GLI2: variants seen among roughly 807,000 people sequenced by gnomAD.
The protein encoded by GLI2 is transcription activator GLI2.
A neutral mutation model predicts 78.9 loss-of-function variants in GLI2; 22 were observed. The observed-to-expected ratio is 0.28, with a 90% CI of 0.20 to 0.40. The LOEUF is 0.40. Ranked by LOEUF, GLI2 falls within the 10% of genes least tolerant of loss-of-function variation. The pLI is 1.00. For missense variants in GLI2, 2,097 were observed against 2,213.2 expected, an observed-to-expected ratio of 0.95 and a Z score of 1.05; for synonymous variants, 974 against 963.7, an observed-to-expected ratio of 1.01 and a Z score of -0.20.
intron 12 of GLI2, among the ~76,000 whole-genome samples, chr2:120,985,686 C>T (rs900924483): frequency 2.0e-5 from 3 of 152,130 alleles, no homozygotes; most frequent in Non-Finnish European, 4.4e-5. Flanking sequence ...CTGTGGATGT[C>T]GTCCGAGTGG....
rs377700501 is a variant in GLI2, at chr2:120,927,433, A to G, written c.221A>G (p.His74Arg). 4.1e-5 allele frequency: 66 copies of G among 1,613,680 alleles called. No individual in the cohort carries two copies. In the African/African-American group the frequency reaches 6.0e-4, roughly 15 times the overall value. ...IDMRHQEGRY[H>R]YEPHSVHGVH... is the part of the protein sequence containing the mutation. ...ATGCGACACCAGGAAGGAAGGTACCATTACGAGCCTCATTCTGTCCACGGT... is the reference window on the plus strand; with the variant it reads ...ATGCGACACCAGGAAGGAAGGTACCGTTACGAGCCTCATTCTGTCCACGGT... Residue 74 changes from histidine (H) to arginine (R), a missense_variant, in exon 3 of 14, where the codon CAT (histidine) becomes CGT (arginine). This residue lies in a region of GLI2 where 578 missense variants were observed against 612.0 expected (regional missense o/e 0.94). Coordinates refer to ENST00000361492, the MANE Select transcript of GLI2 (RefSeq NM_001374353.1).
In GLI2 at chr2:120,833,794, G is replaced by T. The variant is rs568600601; in HGVS notation, c.148+36326G>T. 2.0e-5 allele frequency among the ~76,000 whole-genome samples: 3 copies of T among 152,310 alleles called. No homozygotes were observed. The South Asian group carries it at 6.2e-4, about 32-fold the overall frequency. Reference sequence around the variant, plus strand: ...GCAGGAAACATGGAGGCCATTTAGGGACATTCAGCATTTGAACTTAAGATT... The same window carrying T: ...GCAGGAAACATGGAGGCCATTTAGGTACATTCAGCATTTGAACTTAAGATT... On this transcript the variant is annotated intron_variant, in intron 2 of 13. Transcript: ENST00000361492.
intron 5 of GLI2, among the ~76,000 whole-genome samples, chr2:120,963,437 T>TTG (rs138327826): frequency 5.9e-4 from 90 of 151,516 alleles, no homozygotes; most frequent in South Asian, 1.7e-3. Flanking sequence ...CCTCTGCATC[T>TTG]TGTGTGTGTG....
chr2:120,818,931 C>T (rs1215728903), intron 2 of GLI2, among the ~76,000 whole-genome samples: 1 of 151,884 alleles, frequency 6.6e-6, no homozygotes, highest in Non-Finnish European at 1.5e-5. Context: ...GCCCCCCGCC[C>T]TCTTTTACTG....
intron 2 of GLI2, among the ~76,000 whole-genome samples, chr2:120,818,224 G>T (rs1402630036): frequency 1.3e-5 from 2 of 152,222 alleles, no homozygotes; most frequent in Admixed American, 1.3e-4. Flanking sequence ...TTCCAAGCCT[G>T]CAGGGCAGGG....
At chr2:120,836,603 A>G (rs936000259) in intron 2 of GLI2, among the ~76,000 whole-genome samples, 4 of 152,210 alleles carry the variant, frequency 2.6e-5, no homozygotes, top group Non-Finnish European at 5.9e-5. Context: ...AATCAATTTC[A>G]TGGGAAACAG....
At chr2:120,962,597 G>T (rs1309190478) in intron 5 of GLI2, among the ~76,000 whole-genome samples, 3 of 152,178 alleles carry the variant, frequency 2.0e-5, no homozygotes, top group Non-Finnish European at 4.4e-5. Context: ...ACCCGTGGCC[G>T]ACCGGCATTA....
Position 120,905,381 on chromosome 2 carries a change from G to A in GLI2, c.149-21980G>A, listed in dbSNP as rs188827840. ...GAGGGTGGGAGAACTGCCTACCAGAGGGGCCAGCGTGCCGACTTCCAGCCA... is the reference window on the plus strand; with the variant it reads ...GAGGGTGGGAGAACTGCCTACCAGAAGGGCCAGCGTGCCGACTTCCAGCCA... On this transcript the variant is annotated intron_variant, in intron 2 of 13. Transcript: ENST00000361492. Among the ~76,000 whole-genome samples, 164 of 152,310 alleles carry A rather than the reference G, an allele frequency of 1.1e-3. 1 individual carries two copies. The highest frequency in any genetic ancestry group is 3.7e-3 in the African/African-American group (155 of 41,566).
At chr2:120,771,488 G>A (rs1260550750) in intron 1 of GLI2, among the ~76,000 whole-genome samples, 1 of 152,146 alleles carries the variant, frequency 6.6e-6, no homozygotes, top group Non-Finnish European at 1.5e-5. Flanking sequence ...CTAAGGGGTC[G>A]ATCAAAGGCC....
At chr2:120,977,802 G>A (rs562765219) in intron 9 of GLI2, among the ~76,000 whole-genome samples, 7 of 152,316 alleles carry the variant, frequency 4.6e-5, no homozygotes, top group African/African-American at 1.2e-4. Context: ...GCTCCACCAC[G>A]CCGACTGCCA....
At chr2:120,773,172 G>A (rs774105675) in intron 1 of GLI2, among the ~76,000 whole-genome samples, 17 of 152,274 alleles carry the variant, frequency 1.1e-4, no homozygotes, top group South Asian at 6.2e-4. Flanking sequence ...TAGACTGCTC[G>A]AAGTGTAACA....
At chr2:120,823,562 T>C (rs538877975) in intron 2 of GLI2, among the ~76,000 whole-genome samples, 2 of 152,364 alleles carry the variant, frequency 1.3e-5, no homozygotes, top group African/African-American at 4.8e-5. Flanking sequence ...TGCCCTCTTA[T>C]AGCATTTTTG....
chr2:120,981,511 C>T (rs1025641957), intron 10 of GLI2, among the ~76,000 whole-genome samples: 2 of 152,150 alleles, frequency 1.3e-5, no homozygotes, highest in African/African-American at 2.4e-5. Flanking sequence ...TTCATTGCAA[C>T]AAGTTATTTT....
intron 2 of GLI2, among the ~76,000 whole-genome samples, chr2:120,911,035 G>A (rs1268502488): frequency 6.6e-6 from 1 of 152,184 alleles, no homozygotes; most frequent in East Asian, 1.9e-4. Context: ...CCAATGCCTG[G>A]CCCAGGCTGC....
intron 2 of GLI2, among the ~76,000 whole-genome samples, chr2:120,843,994 G>A (rs1687000763): frequency 6.6e-6 from 1 of 152,148 alleles, no homozygotes; most frequent in African/African-American, 2.4e-5. Context: ...GGAGCCTGCA[G>A]TGTGGTCCCC....
intron 3 of GLI2, among the ~76,000 whole-genome samples, chr2:120,944,032 TA>T (rs1467356135): frequency 6.6e-6 from 1 of 152,154 alleles, no homozygotes; most frequent in Admixed American, 6.5e-5. Flanking sequence ...AGGCAGAAGC[TA>T]CACACCGTCC....
At chr2:120,783,675 C>T (rs1023877161) in intron 1 of GLI2, among the ~76,000 whole-genome samples, 6 of 152,060 alleles carry the variant, frequency 3.9e-5, no homozygotes, top group African/African-American at 1.2e-4. Flanking sequence ...GTGTCCTTAG[C>T]GGTAACAGCC....
rs1683241843 is a variant in GLI2 at position 120,990,437 on chromosome 2, C to T, written c.4472C>T (p.Pro1491Leu). 1.2e-6 allele frequency: 2 copies of T among 1,614,066 alleles called. No individual in the cohort carries two copies. The highest frequency in any genetic ancestry group is 1.7e-6 in the Non-Finnish European group (2 of 1,179,994). Residue 1491 changes from proline (P) to leucine (L), a missense_variant, in exon 14 of 14, where the codon CCC (proline) becomes CTC (leucine). Transcript: ENST00000361492. ...STVDSQLLEA[P>L]QIDFDAIMDD... ...GTGGACTCCCAGCTCCTGGAGGCCC[C>T]CCAGATTGACTTCGATGCCATCATG...
chr2:120,907,964 G>C (rs1678626652), intron 2 of GLI2, among the ~76,000 whole-genome samples: 1 of 152,176 alleles, frequency 6.6e-6, no homozygotes, highest in Non-Finnish European at 1.5e-5. Flanking sequence ...TGCCCTCAAG[G>C]GGGAGCCAAT....
Sources: gnomAD v4.1 joint callset for allele counts (sites outside exome capture counted in the v4.1 genomes callset) on GRCh38, gnomAD v4.1.1 for gene constraint, gnomAD v4.1.1 regional missense constraint, MANE v1.5 for transcripts, NCBI Gene and HGNC (gene_info 2026-07-23, HGNC 2026-07-21) for gene names.